Variants in MME observed in about 807,000 individuals in gnomAD.
The protein encoded by MME is neprilysin.
Under a neutral mutation model 113.2 loss-of-function variants are expected in MME, and 98 were observed. That is an observed-to-expected ratio of 0.87 (90% CI 0.74 to 1.02). The LOEUF (loss-of-function observed/expected upper bound fraction) is 1.02, where lower values mean the gene tolerates loss of function less well. Among genes scored for constraint, MME ranks in the 50% least tolerant of loss-of-function variants. The probability of loss-of-function intolerance (pLI) is 0.00; values close to 1 mark genes in which losing one functional copy is unlikely to be tolerated. For synonymous variants in MME, 292 were observed against 300.6 expected (o/e 0.97, Z 0.30); for missense variants, 836 against 896.0 (o/e 0.93, Z 0.86).
In MME at chr3:155,148,026, C is replaced by G. The variant is rs893191355; in HGVS notation, c.1498-524C>G. On this transcript the variant is annotated intron_variant, in intron 15 of 22. Transcript: ENST00000360490. ...ACGAACACAGACTCAAAACCAAGTTCCTTGATTCCAGATCCCAGTTCCACC... is the reference window on the plus strand; with the variant it reads ...ACGAACACAGACTCAAAACCAAGTTGCTTGATTCCAGATCCCAGTTCCACC... Among the ~76,000 whole-genome samples the G allele has an allele frequency of 1.3e-5, 2 of 152,128 alleles. 1 individual carries two copies. Among genetic ancestry groups the G allele is most frequent in the Admixed American group, 1.3e-4 (2 of 15,260 alleles).
At chr3:155,077,823 T>C (rs1342986113), upstream of MME, among the ~76,000 whole-genome samples, 1 of 152,056 alleles carries the variant, frequency 6.6e-6, no homozygotes, top group Non-Finnish European at 1.5e-5. Flanking sequence ...GACTATCAGC[T>C]GAAAGTCAGA....
In MME at chr3:155,180,774, C is replaced by A; in HGVS notation, c.*315C>A. ...TTGCTGATGTCCCTAGAAAACAATG[C>A]AAAACCTTTGAGGTAGACCAGGATT... On this transcript the variant is annotated 3_prime_UTR_variant, in exon 23 of 23. Coordinates refer to ENST00000360490, the MANE Select transcript of MME (RefSeq NM_007289.4). 3.2e-6 allele frequency: 1 copy of A among 314,424 alleles called. No individual in the cohort carries two copies. Among genetic ancestry groups the A allele is most frequent in the Non-Finnish European group, 6.1e-6 (1 of 162,660 alleles). 19.5% of individuals were successfully genotyped at this position (314,424 alleles called of 1,614,324 possible).
intron 3 of MME, among the ~76,000 whole-genome samples, chr3:155,088,209 C>T (rs1006371463): frequency 6.4e-5 from 9 of 141,320 alleles, no homozygotes; most frequent in Non-Finnish European, 1.3e-4. Flanking sequence ...CACACTCGTG[C>T]GCGCACACAC....
intron 16 of MME, among the ~76,000 whole-genome samples, chr3:155,158,183 A>G (rs1722450341): frequency 6.6e-6 from 1 of 152,006 alleles, no homozygotes; most frequent in African/African-American, 2.4e-5. Flanking sequence ...TTCTATTTCA[A>G]TATTAGGATT....
At chr3:155,130,694 G>A (rs1042577311) in intron 8 of MME, among the ~76,000 whole-genome samples, 1 of 152,118 alleles carries the variant, frequency 6.6e-6, no homozygotes, top group African/African-American at 2.4e-5. Flanking sequence ...TCCTGTAGAT[G>A]AGCAGGTGCA....
At chr3:155,077,701 C>T (rs1233999353), upstream of MME, among the ~76,000 whole-genome samples, 2 of 150,088 alleles carry the variant, frequency 1.3e-5, no homozygotes, top group South Asian at 2.1e-4. Flanking sequence ...ACAGTCAGAC[C>T]CTCATCTAAA....
chr3:155,061,907 C>T lies in MME; in HGVS notation c.-10-22251C>T, dbSNP rs139702578. Reference sequence around the variant, plus strand: ...AACTCCTGGCCTCAAGTGATCTGTCCGCCTCAGCCTCCCAAAGTGCTGGGA... The same window carrying T: ...AACTCCTGGCCTCAAGTGATCTGTCTGCCTCAGCCTCCCAAAGTGCTGGGA... On this transcript the variant is annotated intron_variant, in intron 1 of 22. Coordinates refer to the MME transcript ENST00000492661. 2.5e-3 allele frequency among the ~76,000 whole-genome samples: 383 copies of T among 152,144 alleles called. 5 individuals carry two copies. The highest frequency in any genetic ancestry group is 3.1e-3 in the Non-Finnish European group (213 of 67,992).
chr3:155,137,238 A>T (rs1389817845), intron 8 of MME, among the ~76,000 whole-genome samples: 2 of 152,216 alleles, frequency 1.3e-5, no homozygotes, highest in Non-Finnish European at 2.9e-5. Context: ...TATGGAATTA[A>T]CTAAAACCTA....
intron 1 of MME, among the ~76,000 whole-genome samples, chr3:155,073,588 A>C (rs1230030875): frequency 2.6e-5 from 4 of 152,196 alleles, no homozygotes; most frequent in African/African-American, 9.6e-5. Flanking sequence ...GAAGAGGAAA[A>C]AAAAGTGTCC....
At chr3:155,175,351 T>C (rs1055810828) in intron 22 of MME, among the ~76,000 whole-genome samples, 5 of 151,968 alleles carry the variant, frequency 3.3e-5, no homozygotes, top group Non-Finnish European at 5.9e-5. Context: ...CCATTTTGAT[T>C]AGCTCAGAAA....
In MME at chr3:155,148,539, T is replaced by G; in HGVS notation, c.1498-11T>G. ...TTTAATATTTCTTCCCAAATCTTCT[T>G]TATAATACAGTTGAACTACAAAGAA... On this transcript the variant is annotated splice_polypyrimidine_tract_variant and intron_variant, in intron 15 of 22. Coordinates refer to ENST00000360490, the MANE Select transcript of MME (RefSeq NM_007289.4). The G allele has an allele frequency of 6.4e-7, 1 of 1,561,718 alleles. No homozygotes were observed.
At chr3:155,093,466 T>C (rs1716464861) in intron 3 of MME, among the ~76,000 whole-genome samples, 1 of 152,198 alleles carries the variant, frequency 6.6e-6, no homozygotes, top group South Asian at 2.1e-4. Context: ...CCACTTGGTC[T>C]ACCACAGAGC....
chr3:155,091,096 A>C (rs771929922), intron 3 of MME, among the ~76,000 whole-genome samples: 9 of 152,192 alleles, frequency 5.9e-5, no homozygotes, highest in Non-Finnish European at 1.2e-4. Flanking sequence ...GTTTGGAAAA[A>C]ATCCTTCATG....
At chr3:155,082,421 A>G (rs962295011) in intron 1 of MME, among the ~76,000 whole-genome samples, 4 of 152,100 alleles carry the variant, frequency 2.6e-5, no homozygotes, top group Non-Finnish European at 5.9e-5. Context: ...GAGAATTATT[A>G]TTGTTTACCT....
At chr3:155,148,053 C>T (rs537023072) in intron 15 of MME, among the ~76,000 whole-genome samples, 1 of 152,274 alleles carries the variant, frequency 6.6e-6, no homozygotes, top group African/African-American at 2.4e-5. Context: ...AGTTCCACCA[C>T]TCATTTAAAC....
chr3:155,062,306 T>C (rs1401716503), intron 1 of MME, among the ~76,000 whole-genome samples: 3 of 152,204 alleles, frequency 2.0e-5, no homozygotes, highest in African/African-American at 4.8e-5. Flanking sequence ...GATCTGTTGC[T>C]AACAAATGCT....
upstream of MME, among the ~76,000 whole-genome samples, chr3:155,077,238 A>G (rs1219778641): frequency 1.3e-5 from 2 of 152,184 alleles, no homozygotes; most frequent in African/African-American, 2.4e-5. Flanking sequence ...TTTTTAAAGG[A>G]CTTAAAAAAA....
chr3:155,159,391 T>G (rs1465846741), intron 16 of MME, among the ~76,000 whole-genome samples: 1 of 152,036 alleles, frequency 6.6e-6, no homozygotes, highest in South Asian at 2.1e-4. Context: ...CTTAAATGTA[T>G]GCATGTATGC....
intron 16 of MME, among the ~76,000 whole-genome samples, chr3:155,155,874 C>T (rs1468716051): frequency 3.9e-5 from 6 of 152,166 alleles, no homozygotes; most frequent in Non-Finnish European, 5.9e-5. Flanking sequence ...ATAAGGTTAG[C>T]AAAGACTAAA....
Sources: gnomAD v4.1 joint callset for allele counts (sites outside exome capture counted in the v4.1 genomes callset) on GRCh38, gnomAD v4.1.1 for gene constraint, MANE v1.5 for transcripts, NCBI Gene and HGNC (gene_info 2026-07-23, HGNC 2026-07-21) for gene names.